The following SLC33A2 variants were observed in gnomAD, a reference collection of about 807,000 sequenced individuals.
SLC33A2 encodes the protein major facilitator superfamily domain containing 3.
chr8:144,510,368 G>A, the SLC33A2 span: 8 of 1,612,270 alleles, frequency 5.0e-6, no homozygotes, highest in Non-Finnish European at 6.8e-6. Context: ...AGGTGAGCAG[G>A]GTGCCAGCAG....
the SLC33A2 span, chr8:144,510,192 C>G: frequency 7.7e-7 from 1 of 1,295,164 alleles, no homozygotes; most frequent in Admixed American, 2.2e-5. Context: ...CCGCCCCCAG[C>G]TCTAGCCCCA....
chr8:144,510,014 G>A, the SLC33A2 span: 1 of 1,592,958 alleles, frequency 6.3e-7, no homozygotes. Flanking sequence ...CCTACAAGCT[G>A]GGTGAGTGAG....
the SLC33A2 span, chr8:144,509,905 C>T: frequency 4.5e-6 from 7 of 1,555,150 alleles, no homozygotes; most frequent in African/African-American, 1.4e-5. Flanking sequence ...CGGCGGCTCC[C>T]ACAGCAGCCC....
At chr8:144,509,156 T>C in the SLC33A2 span, 2 of 586,024 alleles carry the variant, frequency 3.4e-6, no homozygotes, top group Non-Finnish European at 5.4e-6. Context: ...GGGGTGTTGA[T>C]GCTCCTAAAG....
chr8:144,510,698 A>T, the SLC33A2 span: 2 of 1,571,874 alleles, frequency 1.3e-6, no homozygotes. Context: ...GGGGGCCAGC[A>T]TGGACGCTGG....
chr8:144,509,826 C>T, the SLC33A2 span: 10 of 1,538,838 alleles, frequency 6.5e-6, no homozygotes, highest in Non-Finnish European at 7.8e-6. Flanking sequence ...CTCGTGGCCG[C>T]AACTCTTTCT....
At chr8:144,511,089 C>A in the SLC33A2 span, 7 of 1,609,464 alleles carry the variant, frequency 4.3e-6, no homozygotes, top group South Asian at 7.7e-5. Context: ...GGCCACATCC[C>A]TGCTTCTTGC....
the SLC33A2 span, chr8:144,510,231 C>T: frequency 2.8e-6 from 4 of 1,448,992 alleles, no homozygotes; most frequent in Non-Finnish European, 3.7e-6. Context: ...GGCTGCCCCA[C>T]TTCTCCCCCA....
At chr8:144,509,761 A>G in the SLC33A2 span, 40 of 1,562,920 alleles carry the variant, frequency 2.6e-5, no homozygotes, top group Admixed American at 1.7e-4. Context: ...GTGGTCGCGT[A>G]CAAGCTGGGG....
At chr8:144,510,885 G>C in the SLC33A2 span, 1 of 1,606,794 alleles carries the variant, frequency 6.2e-7, no homozygotes, top group Non-Finnish European at 8.5e-7. Flanking sequence ...GCAGCCAGCT[G>C]GCCCCCAGGG....
the SLC33A2 span, chr8:144,510,944 T>A: frequency 6.3e-7 from 1 of 1,599,638 alleles, no homozygotes; most frequent in Non-Finnish European, 8.5e-7. Flanking sequence ...ACCACGGGGC[T>A]GGGGCTGTGT....
the SLC33A2 span, chr8:144,509,414 A>G: frequency 2.6e-6 from 4 of 1,529,022 alleles, no homozygotes; most frequent in Non-Finnish European, 3.5e-6. Context: ...GCCTCCTGCC[A>G]GTGCTGCTGC....
At chr8:144,510,150 C>T in the SLC33A2 span, 4 of 1,302,298 alleles carry the variant, frequency 3.1e-6, no homozygotes, top group Non-Finnish European at 4.2e-6. Context: ...GCCCTGACAT[C>T]CGGGGCTCTG....
At chr8:144,509,334 A>G in the SLC33A2 span, 1 of 1,462,638 alleles carries the variant, frequency 6.8e-7, no homozygotes, top group Non-Finnish European at 9.0e-7. Context: ...CTGAGCCGCC[A>G]TGCGCGGGAA....
At chr8:144,510,676 C>G in the SLC33A2 span, 1 of 1,560,130 alleles carries the variant, frequency 6.4e-7, no homozygotes, top group East Asian at 2.3e-5. Flanking sequence ...TGGTCTTCCA[C>G]CTGGACACCC....
the SLC33A2 span, chr8:144,510,650 G>A: frequency 6.4e-7 from 1 of 1,561,318 alleles, no homozygotes; most frequent in Non-Finnish European, 8.7e-7. Context: ...CGGGGGCCTA[G>A]CCTGTCAGAC....
the SLC33A2 span, chr8:144,509,487 C>T: frequency 1.3e-6 from 2 of 1,535,620 alleles, no homozygotes; most frequent in Non-Finnish European, 1.7e-6. Context: ...TCCGTGGCTG[C>T]TCAAGCTGGC....
chr8:144,510,705 C>A, the SLC33A2 span: 1 of 1,576,298 alleles, frequency 6.3e-7, no homozygotes, highest in Non-Finnish European at 8.6e-7. Flanking sequence ...AGCATGGACG[C>A]TGGCACAATC....
the SLC33A2 span, chr8:144,509,491 A>G: frequency 5.2e-6 from 8 of 1,535,380 alleles, no homozygotes; most frequent in African/African-American, 1.4e-5. Context: ...TGGCTGCTCA[A>G]GCTGGCTTGG....
Sources: gnomAD v4.1 joint callset for allele counts on GRCh38, gnomAD v4.1.1 for gene constraint, MANE v1.5 for transcripts, NCBI Gene and HGNC (gene_info 2026-07-23, HGNC 2026-07-21) for gene names.